The following PAX3 variants were observed in gnomAD, a reference collection of about 807,000 sequenced individuals.
The protein encoded by PAX3 is paired box protein Pax-3.
PAX3 carries 14 observed loss-of-function variants against 51.6 expected under a neutral mutation model. The observed-to-expected ratio is 0.27, with a 90% CI of 0.18 to 0.42. PAX3 has a LOEUF of 0.42. PAX3 is among the 10% of genes least tolerant of loss of function. The pLI, the probability that PAX3 is intolerant of heterozygous loss-of-function variation, is 1.00. For missense variants in PAX3, 540 were observed against 642.8 expected (o/e 0.84, Z 1.73); for synonymous variants, 280 against 253.4 (o/e 1.11, Z -1.00).
chr2:222,237,345 C>G (rs1249699286), intron 4 of PAX3, among the ~76,000 whole-genome samples: 2 of 151,914 alleles, frequency 1.3e-5, no homozygotes, highest in East Asian at 1.9e-4. Flanking sequence ...CACACACACA[C>G]ACACACACAC....
chr2:222,220,284 C>T lies in PAX3; in HGVS notation c.1029G>A (p.Thr343=), dbSNP rs747502205. Reference sequence around the variant, plus strand: ...AGCTGCTGTCTGGGTTGGAAGGAATCGTGCTTTGGTGTACAGTGCTTGGAG... The same window carrying T: ...AGCTGCTGTCTGGGTTGGAAGGAATTGTGCTTTGGTGTACAGTGCTTGGAG... ...PLPPSTVHQS[T]IPSNPDSSSA... is the part of the protein sequence containing the mutation. Residue 343 remains threonine, a synonymous_variant, in exon 7 of 9, where the codon ACG becomes ACA. Transcript: ENST00000392070. 9 of 1,613,906 alleles carry T rather than the reference C, an allele frequency of 5.6e-6. No individual in the cohort carries two copies. In the East Asian group the frequency reaches 8.9e-5, roughly 16 times the overall value.
intron 4 of PAX3, among the ~76,000 whole-genome samples, chr2:222,271,175 A>G (rs537260038): frequency 1.3e-5 from 2 of 152,338 alleles, no homozygotes; most frequent in Non-Finnish European, 1.5e-5. Context: ...GATCACAACT[A>G]TTCAGAGAGT....
intron 4 of PAX3, among the ~76,000 whole-genome samples, chr2:222,258,068 A>G (rs923957398): frequency 2.0e-5 from 3 of 152,268 alleles, no homozygotes; most frequent in Admixed American, 1.3e-4. Context: ...AAGTGTGTCT[A>G]TATTTTAAGT....
chr2:222,280,962 G>A (rs527321448), intron 4 of PAX3, among the ~76,000 whole-genome samples: 1 of 152,268 alleles, frequency 6.6e-6, no homozygotes, highest in Admixed American at 6.5e-5. Context: ...TTAGAGCTTG[G>A]CAGGGCCAGT....
Position 222,276,811 on chromosome 2 carries a change from C to A in PAX3, c.586+17356G>T, listed in dbSNP as rs1694438209. Among the ~76,000 whole-genome samples the A allele has an allele frequency of 5.3e-5, 8 of 152,222 alleles. No individual in the cohort carries two copies. In the South Asian group the frequency reaches 1.7e-3, roughly 31 times the overall value. On this transcript the variant is annotated intron_variant, in intron 4 of 8. Transcript: ENST00000392070. Reference sequence around the variant, plus strand: ...GCAGTGAGTGGATATTTCTCATCTTCTTGTGAGGAGTCGGTCCAAGATCCC... The same window carrying A: ...GCAGTGAGTGGATATTTCTCATCTTATTGTGAGGAGTCGGTCCAAGATCCC...
intron 7 of PAX3, among the ~76,000 whole-genome samples, chr2:222,206,739 TATGGGCCA>T (rs552055486): frequency 4.6e-5 from 7 of 152,284 alleles, no homozygotes; most frequent in Non-Finnish European, 7.4e-5. Flanking sequence ...AGATAAAAAC[TATGGGCCA>T]AATTAAGATT....
chr2:222,280,400 A>G (rs1421145401), intron 4 of PAX3, among the ~76,000 whole-genome samples: 4 of 149,582 alleles, frequency 2.7e-5, no homozygotes, highest in Non-Finnish European at 6.0e-5. Flanking sequence ...AGGAAAAAGA[A>G]AGAAAGAAAG....
chr2:222,241,505 A>G (rs1363651245), intron 4 of PAX3, among the ~76,000 whole-genome samples: 1 of 152,258 alleles, frequency 6.6e-6, no homozygotes, highest in African/African-American at 2.4e-5. Context: ...AGATGCAGAC[A>G]CAATAATAGT....
chr2:222,202,284 A>G (rs1691327624), intron 7 of PAX3, 94 bp from the exon 8 acceptor site: 1 of 1,007,210 alleles, frequency 9.9e-7, no homozygotes, highest in Non-Finnish European at 1.5e-6. Flanking sequence ...TCCAGTTTTT[A>G]TTTCTTTGGA....
At chr2:222,202,519 G>A (rs1451702659) in intron 7 of PAX3, among the ~76,000 whole-genome samples, 1 of 151,504 alleles carries the variant, frequency 6.6e-6, no homozygotes, top group African/African-American at 2.4e-5. Context: ...AAAGAAGGGG[G>A]AAAAAAGGAT....
rs1574776040 is a variant in PAX3, at chr2:222,298,737, A to G, written c.-122T>C. The G allele has an allele frequency of 1.1e-6, 1 of 941,242 alleles. No homozygotes were observed. The highest frequency in any genetic ancestry group is 1.7e-6 in the Non-Finnish European group (1 of 602,848). 58.3% of individuals were successfully genotyped at this position (941,242 alleles called of 1,614,324 possible). A position where few individuals can be genotyped will look rare whatever the true frequency, so the allele number is the denominator to read the frequency against. ...GAGAGCCCCTCCCCAAAACGGCTGG[A>G]GAGAGAGGGAGGGACGCGGGGAGGG... On this transcript the variant is annotated 5_prime_UTR_variant, in exon 1 of 9. Coordinates refer to ENST00000392070, the MANE Select transcript of PAX3 (RefSeq NM_181458.4).
chr2:222,201,483 C>A (rs1691291206), intron 8 of PAX3, 41 bp from the exon 9 acceptor site: 1 of 1,612,962 alleles, frequency 6.2e-7, no homozygotes, highest in African/African-American at 1.3e-5. Flanking sequence ...CATGCTGGGA[C>A]AATTCACAGT....
intron 4 of PAX3, among the ~76,000 whole-genome samples, chr2:222,285,316 T>C (rs1694794051): frequency 6.6e-6 from 1 of 152,142 alleles, no homozygotes; most frequent in African/African-American, 2.4e-5. Context: ...AAAAATAAAA[T>C]GCTTTTGAAA....
chr2:222,239,333 T>C (rs1251334960), intron 4 of PAX3, among the ~76,000 whole-genome samples: 1 of 150,682 alleles, frequency 6.6e-6, no homozygotes, highest in Non-Finnish European at 1.5e-5. Flanking sequence ...GGGTGGGTTT[T>C]TTTTTCAGAG....
intron 4 of PAX3, among the ~76,000 whole-genome samples, chr2:222,239,468 T>C (rs60426591): frequency 0.096 from 14,567 of 152,232 alleles, 739 homozygotes; most frequent in South Asian, 0.19. Flanking sequence ...ATCAGCGATG[T>C]TATTTTTAAT....
intron 4 of PAX3, among the ~76,000 whole-genome samples, chr2:222,260,193 G>A (rs1324899618): frequency 6.6e-6 from 1 of 152,088 alleles, no homozygotes; most frequent in Admixed American, 6.5e-5. Flanking sequence ...TTTAAGATGG[G>A]GAACTGAATG....
Position 222,201,002 on chromosome 2 carries a change from T to TAATA in PAX3, c.*405_*406insTATT, listed in dbSNP as rs1691264750. On this transcript the variant is annotated 3_prime_UTR_variant, in exon 9 of 9. Transcript: ENST00000392070. ...TATTCTATTATATTTTAGAACAGTC[T>TAATA]GCTTGCCCAAACCAGTCTGGGTAAA... The TAATA allele has an allele frequency of 1.5e-6, 1 of 671,084 alleles. No individual in the cohort carries two copies. Among genetic ancestry groups the TAATA allele is most frequent in the Admixed American group, 2.5e-5 (1 of 40,718 alleles). The allele number at this position is 671,084 out of a possible 1,614,324, so 41.6% of individuals were successfully genotyped here. A position where few individuals can be genotyped will look rare whatever the true frequency, so the allele number is the denominator to read the frequency against.
intron 8 of PAX3, 174 bp from the exon 9 acceptor site, chr2:222,201,616 C>G: frequency 1.6e-6 from 2 of 1,281,192 alleles, no homozygotes; most frequent in Non-Finnish European, 1.1e-6. Flanking sequence ...GGGATTATCC[C>G]CCATATGATC....
In PAX3 at chr2:222,294,184, C is replaced by T. The variant is rs1158153326; in HGVS notation, c.569G>A (p.Gly190Asp). ...SEKKAKHSID[G>D]ILSERASAPQ... ...CCGCTTACCTCGCTCGCTCAGGATG[C>T]CGTCGATGCTGTGTTTGGCCTTCTT... Residue 190 changes from glycine to aspartate, a missense_variant, in exon 4 of 9, where the codon GGC becomes GAC. Around this residue, in one of 3 missense-constraint regions of PAX3, gnomAD observed 427 missense variants for 483.6 expected, o/e 0.88. Coordinates refer to ENST00000392070, the MANE Select transcript of PAX3 (RefSeq NM_181458.4). The T allele has an allele frequency of 6.2e-7, 1 of 1,614,248 alleles. No individual in the cohort carries two copies. The highest frequency in any genetic ancestry group is 8.5e-7 in the Non-Finnish European group (1 of 1,180,044).
Sources: gnomAD v4.1 joint callset for allele counts (sites outside exome capture counted in the v4.1 genomes callset) on GRCh38, gnomAD v4.1.1 for gene constraint, gnomAD v4.1.1 regional missense constraint, MANE v1.5 for transcripts, NCBI Gene and HGNC (gene_info 2026-07-23, HGNC 2026-07-21) for gene names.